HIPK2: variants seen among roughly 807,000 people sequenced by gnomAD.
HIPK2 encodes homeodomain interacting protein kinase 2, also known as homeodomain-interacting protein kinase 2.
A neutral mutation model predicts 113.7 loss-of-function variants in HIPK2; 27 were observed. The ratio of observed to expected loss-of-function variants is 0.24; its 90% confidence interval spans 0.17 to 0.33. The LOEUF is 0.33. Among genes scored for constraint, HIPK2 ranks in the 10% least tolerant of loss-of-function variants. HIPK2 has a pLI of 1.00. For missense variants in HIPK2, 1,257 were observed against 1,588.0 expected, an observed-to-expected ratio of 0.79 and a Z score of 3.54; for synonymous variants, 631 against 642.2, an observed-to-expected ratio of 0.98 and a Z score of 0.26.
At chr7:139,747,999 A>G (rs529214371) in intron 1 of HIPK2, among the ~76,000 whole-genome samples, 1 of 152,322 alleles carries the variant, frequency 6.6e-6, no homozygotes, top group South Asian at 2.1e-4. Context: ...GAGCTGTTCT[A>G]GATGGTGACA....
chr7:139,751,571 G>C (rs1162663873), intron 1 of HIPK2, among the ~76,000 whole-genome samples: 1 of 149,734 alleles, frequency 6.7e-6, no homozygotes, highest in Admixed American at 6.7e-5. Context: ...GGGATGGATG[G>C]ATGGATGGTT....
intron 10 of HIPK2, 163 bp downstream of exon 10, chr7:139,603,918 G>T: frequency 2.8e-6 from 1 of 357,404 alleles, no homozygotes; most frequent in Non-Finnish European, 3.9e-6. Context: ...ATTGCTTCTT[G>T]TTACCCTGCA....
chr7:139,644,416 G>A (rs1801137219), intron 2 of HIPK2, among the ~76,000 whole-genome samples: 1 of 152,196 alleles, frequency 6.6e-6, no homozygotes, highest in South Asian at 2.1e-4. Flanking sequence ...CTGGGTATGG[G>A]TGCACATCGG....
At chr7:139,679,096 G>A (rs548865627) in intron 2 of HIPK2, among the ~76,000 whole-genome samples, 92 of 152,328 alleles carry the variant, frequency 6.0e-4, no homozygotes, top group African/African-American at 2.1e-3. Context: ...ACACAATCAT[G>A]TCATCTGCAA....
chr7:139,563,011 G>A lies in HIPK2; in HGVS notation c.*9916C>T, dbSNP rs1248138311. 1 of 152,068 alleles carries A rather than the reference G, an allele frequency of 6.6e-6. No homozygotes were observed. Among genetic ancestry groups the A allele is most frequent in the East Asian group, 1.9e-4 (1 of 5,188 alleles). The allele number at this position is 152,068 out of a possible 1,614,324, so 9.4% of individuals were successfully genotyped here. Reference sequence around the variant, plus strand: ...TGATTTGGGGGCTAGAGATGACTGTGCCCTGGAAAGTCCATGGAAGAAGCT... The same window carrying A: ...TGATTTGGGGGCTAGAGATGACTGTACCCTGGAAAGTCCATGGAAGAAGCT... On this transcript the variant is annotated 3_prime_UTR_variant, in exon 15 of 15. Transcript: ENST00000406875.
chr7:139,591,673 G>A (rs1264555020), intron 12 of HIPK2, among the ~76,000 whole-genome samples: 2 of 152,180 alleles, frequency 1.3e-5, no homozygotes, highest in Non-Finnish European at 2.9e-5. Flanking sequence ...AGGGTGTGGC[G>A]AAGTCAGCTG....
At chr7:139,665,601 T>TCCAC (rs748121265) in intron 2 of HIPK2, among the ~76,000 whole-genome samples, 15 of 151,680 alleles carry the variant, frequency 9.9e-5, no homozygotes, top group Admixed American at 7.2e-4. Context: ...CATCCATCCA[T>TCCAC]CCATCCACCC....
At chr7:139,717,324 A>G (rs965959783) in intron 1 of HIPK2, among the ~76,000 whole-genome samples, 11 of 152,348 alleles carry the variant, frequency 7.2e-5, no homozygotes, top group Admixed American at 7.2e-4. Flanking sequence ...TACTTGTGAC[A>G]GAAATGGATT....
chr7:139,662,715 G>A (rs1801911090), intron 2 of HIPK2, among the ~76,000 whole-genome samples: 1 of 151,502 alleles, frequency 6.6e-6, no homozygotes, highest in Non-Finnish European at 1.5e-5. Flanking sequence ...CACCTCCTGG[G>A]TTCAAGCGTT....
chr7:139,563,645 A>T lies in HIPK2; in HGVS notation c.*9282T>A, dbSNP rs1229605173. 5.0e-6 allele frequency: 2 copies of T among 396,110 alleles called. No individual in the cohort carries two copies. The highest frequency in any genetic ancestry group is 7.2e-5 in the East Asian group (2 of 27,972). 24.5% of individuals were successfully genotyped at this position (396,110 alleles called of 1,614,324 possible). ...TTCATGTAAAGGAAAAAACAGCAAC[A>T]CCACCACACAAACAGGAAAGTGGGA... On this transcript the variant is annotated 3_prime_UTR_variant, in exon 15 of 15. Coordinates refer to ENST00000406875, the MANE Select transcript of HIPK2 (RefSeq NM_022740.5).
At chr7:139,647,561 G>T (rs140158321) in intron 2 of HIPK2, among the ~76,000 whole-genome samples, 1 of 152,276 alleles carries the variant, frequency 6.6e-6, no homozygotes, top group African/African-American at 2.4e-5. Context: ...GGAGAAGCTT[G>T]ACATAGGGAG....
intron 2 of HIPK2, among the ~76,000 whole-genome samples, chr7:139,655,479 ACT>A (rs1410955999): frequency 6.6e-6 from 1 of 152,076 alleles, no homozygotes; most frequent in African/African-American, 2.4e-5. Flanking sequence ...CTGCACAGCA[ACT>A]CTGTCTTCCT....
At position 139,683,417 on chromosome 7, in the gene HIPK2, G is replaced by A. The variant is rs184466234; in HGVS notation, c.1103+32515C>T. Among the ~76,000 whole-genome samples the A allele has an allele frequency of 1.6e-3, 239 of 152,300 alleles. No homozygotes were observed. Among genetic ancestry groups the A allele is most frequent in the African/African-American group, 5.4e-3 (223 of 41,566 alleles). ...AGATGTTTCCAAGCTCCCCAAGGCAGCTGCGGTCTGTGAGCCTCAGCTCCT... is the reference window on the plus strand; with the variant it reads ...AGATGTTTCCAAGCTCCCCAAGGCAACTGCGGTCTGTGAGCCTCAGCTCCT... On this transcript the variant is annotated intron_variant, in intron 2 of 14. Coordinates refer to ENST00000406875, the MANE Select transcript of HIPK2 (RefSeq NM_022740.5). This position sits in a 1 kb window ranked among gnomAD's most constrained non-coding sequence, Gnocchi z 4.2.
At chr7:139,755,735 C>T (rs1386503408) in intron 1 of HIPK2, among the ~76,000 whole-genome samples, 2 of 152,220 alleles carry the variant, frequency 1.3e-5, no homozygotes, top group Non-Finnish European at 2.9e-5. Context: ...ACCTCCAGTA[C>T]CAGAGAAATC....
At chr7:139,617,593 C>G (rs113880341) in intron 7 of HIPK2, among the ~76,000 whole-genome samples, 8 of 152,250 alleles carry the variant, frequency 5.3e-5, no homozygotes, top group Non-Finnish European at 1.2e-4. Context: ...TGAGAGAAGA[C>G]TTATTATTCA....
intron 2 of HIPK2, among the ~76,000 whole-genome samples, chr7:139,664,651 C>A (rs1417378543): frequency 6.6e-6 from 1 of 152,212 alleles, no homozygotes; most frequent in Non-Finnish European, 1.5e-5. Context: ...ACAACGAGGG[C>A]CACCTCCGCT....
At chr7:139,678,699 A>C (rs763377997) in intron 2 of HIPK2, among the ~76,000 whole-genome samples, 1 of 152,098 alleles carries the variant, frequency 6.6e-6, no homozygotes, top group Non-Finnish European at 1.5e-5. Context: ...TCTGTGAAGA[A>C]AGTCAGTGGT....
At chr7:139,735,936 T>A (rs1795927427) in intron 1 of HIPK2, among the ~76,000 whole-genome samples, 1 of 152,128 alleles carries the variant, frequency 6.6e-6, no homozygotes, top group African/African-American at 2.4e-5. Context: ...TAAGGGAACA[T>A]CAGGAAGAAT....
At chr7:139,615,345 A>T (rs1206522445) in intron 7 of HIPK2, among the ~76,000 whole-genome samples, 2 of 152,238 alleles carry the variant, frequency 1.3e-5, no homozygotes, top group African/African-American at 4.8e-5. Context: ...TCATGTTGGT[A>T]TGCAGTGACA....
Sources: gnomAD v4.1 joint callset for allele counts (sites outside exome capture counted in the v4.1 genomes callset) on GRCh38, gnomAD v4.1.1 for gene constraint, Gnocchi (gnomAD v3.1) non-coding constraint, MANE v1.5 for transcripts, NCBI Gene and HGNC (gene_info 2026-07-23, HGNC 2026-07-21) for gene names.